The following SLC35F1 variants were observed in gnomAD, a reference collection of about 807,000 sequenced individuals.
The protein encoded by SLC35F1 is chromosome 6 open reading frame 169.
SLC35F1 carries 14 observed loss-of-function variants against 48.7 expected under a neutral mutation model. The ratio of observed to expected loss-of-function variants is 0.29; its 90% CI spans 0.19 to 0.45. The LOEUF (loss-of-function observed/expected upper bound fraction) is 0.45, where lower values mean the gene tolerates loss of function less well. Ranked by LOEUF, SLC35F1 falls within the 20% of genes least tolerant of loss-of-function variation. The pLI, the probability that SLC35F1 is intolerant of heterozygous loss-of-function variation, is 1.00. For synonymous variants in SLC35F1, 190 were observed against 202.2 expected (o/e 0.94, Z 0.51); for missense variants, 404 against 500.0 (o/e 0.81, Z 1.83).
At chr6:118,168,658 A>G (rs1050893479) in intron 2 of SLC35F1, among the ~76,000 whole-genome samples, 5 of 152,128 alleles carry the variant, frequency 3.3e-5, no homozygotes, top group African/African-American at 4.8e-5. Context: ...GCAGTTATAT[A>G]TAGGTCAGTG....
intron 3 of SLC35F1, among the ~76,000 whole-genome samples, chr6:118,251,801 T>C (rs1424141950): frequency 2.0e-5 from 3 of 152,160 alleles, no homozygotes; most frequent in African/African-American, 7.2e-5. Context: ...GCAAATTTTT[T>C]TGAGCATATA....
intron 1 of SLC35F1, among the ~76,000 whole-genome samples, chr6:118,055,017 C>T (rs1465217719): frequency 3.9e-5 from 6 of 152,124 alleles, no homozygotes; most frequent in South Asian, 2.1e-4. Flanking sequence ...CCGCGTGATC[C>T]GCCTGCCTCG....
intron 2 of SLC35F1, among the ~76,000 whole-genome samples, chr6:118,213,318 CTTTG>C (rs1469592215): frequency 6.6e-6 from 1 of 152,130 alleles, no homozygotes; most frequent in Non-Finnish European, 1.5e-5. Context: ...AGATTATCCT[CTTTG>C]TTTGTTGTGA....
chr6:118,100,306 A>G (rs1172912743), intron 1 of SLC35F1, among the ~76,000 whole-genome samples: 1 of 152,086 alleles, frequency 6.6e-6, no homozygotes, highest in Admixed American at 6.6e-5. Context: ...ACCACTGAGA[A>G]AACTACCCAT....
intron 1 of SLC35F1, among the ~76,000 whole-genome samples, chr6:118,011,974 A>G (rs1777254369): frequency 6.6e-6 from 1 of 152,226 alleles, no homozygotes; most frequent in Admixed American, 6.5e-5. Context: ...AATTCTCAGA[A>G]TGATCACCTT....
chr6:118,115,411 T>C (rs2114391195), intron 1 of SLC35F1, among the ~76,000 whole-genome samples: 1 of 151,908 alleles, frequency 6.6e-6, no homozygotes, highest in African/African-American at 2.4e-5. Flanking sequence ...AAGGACAGAG[T>C]GGTGGTTTTA....
chr6:118,309,447 C>T lies in SLC35F1; in HGVS notation c.1003-4581C>T, dbSNP rs17080005. Among the ~76,000 whole-genome samples the T allele has an allele frequency of 9.2e-3, 1,399 of 152,230 alleles. 24 individuals are homozygous for T. The highest frequency in any genetic ancestry group is 0.032 in the African/African-American group (1,335 of 41,514). On this transcript the variant is annotated intron_variant, in intron 7 of 7. Transcript: ENST00000360388. ...AAACCAGGCCCACCATATAGAAGTA[C>T]TTGGTACATGCATTCAATAAAAGTA...
Position 118,098,946 on chromosome 6 carries a change from A to G in SLC35F1, c.174-55499A>G, listed in dbSNP as rs139733693. On this transcript the variant is annotated intron_variant, in intron 1 of 7. Transcript: ENST00000360388. Reference sequence around the variant, plus strand: ...ATTTTCTCACCACTGTGTTTGGCCTATTTTATAAGGTACATCCTCTAGGTG... The same window carrying G: ...ATTTTCTCACCACTGTGTTTGGCCTGTTTTATAAGGTACATCCTCTAGGTG... 3.9e-3 allele frequency among the ~76,000 whole-genome samples: 587 copies of G among 152,258 alleles called. 4 individuals are homozygous for G. The highest frequency in any genetic ancestry group is 0.013 in the African/African-American group (535 of 41,546).
At chr6:118,177,919 G>T (rs1470165492) in intron 2 of SLC35F1, among the ~76,000 whole-genome samples, 1 of 152,046 alleles carries the variant, frequency 6.6e-6, no homozygotes, top group Non-Finnish European at 1.5e-5. Flanking sequence ...GCTAAGTGCT[G>T]CCTATAAAGC....
At chr6:118,085,727 T>C (rs1482807373) in intron 1 of SLC35F1, among the ~76,000 whole-genome samples, 2 of 152,062 alleles carry the variant, frequency 1.3e-5, no homozygotes, top group African/African-American at 4.8e-5. Flanking sequence ...TTAATTATGA[T>C]TATGTGAATG....
At chr6:118,042,237 A>T (rs1237140360) in intron 1 of SLC35F1, among the ~76,000 whole-genome samples, 1 of 152,182 alleles carries the variant, frequency 6.6e-6, no homozygotes, top group Non-Finnish European at 1.5e-5. Flanking sequence ...GATAAATAAG[A>T]CACTGTCCTA....
chr6:118,256,049 C>G (rs987694299), intron 3 of SLC35F1, among the ~76,000 whole-genome samples: 1 of 152,132 alleles, frequency 6.6e-6, no homozygotes, highest in Non-Finnish European at 1.5e-5. Flanking sequence ...ATACTACTCC[C>G]TGGAATTACA....
At chr6:118,278,922 T>C (rs1470186440) in intron 6 of SLC35F1, among the ~76,000 whole-genome samples, 1 of 152,208 alleles carries the variant, frequency 6.6e-6, no homozygotes, top group African/African-American at 2.4e-5. Flanking sequence ...TATAATTCAG[T>C]GTTAGTTAAA....
rs1777057166 is a variant in SLC35F1 at position 117,999,557 on chromosome 6, A to T, written c.173+91658A>T. On this transcript the variant is annotated intron_variant, in intron 1 of 7. Coordinates refer to ENST00000360388, the MANE Select transcript of SLC35F1 (RefSeq NM_001029858.4). ...CCTCCTGTGCTATTTGTACAAATAA[A>T]CCTGAGGCAGGAAAAAAAAAAAAAA... The T allele has an allele frequency of 1.5e-5, 9 of 587,284 alleles. No individual in the cohort carries two copies. In the South Asian group the frequency reaches 3.4e-4, roughly 22 times the overall value. 36.4% of individuals were successfully genotyped at this position (587,284 alleles called of 1,614,324 possible).
At chr6:118,141,270 ATACT>A (rs1248817685) in intron 1 of SLC35F1, among the ~76,000 whole-genome samples, 4 of 152,176 alleles carry the variant, frequency 2.6e-5, no homozygotes, top group South Asian at 2.1e-4. Context: ...AGATACACAA[ATACT>A]TACCATTGTG....
intron 1 of SLC35F1, among the ~76,000 whole-genome samples, chr6:117,953,074 G>A (rs1321521569): frequency 6.6e-6 from 1 of 152,206 alleles, no homozygotes; most frequent in South Asian, 2.1e-4. Flanking sequence ...GATACTCATT[G>A]AGGGTATTTC....
chr6:118,031,839 A>C (rs115695012), intron 1 of SLC35F1, among the ~76,000 whole-genome samples: 1 of 152,246 alleles, frequency 6.6e-6, no homozygotes, highest in African/African-American at 2.4e-5. Context: ...GGTCATTGCT[A>C]TGGAAAGGGG....
intron 1 of SLC35F1, among the ~76,000 whole-genome samples, chr6:118,128,650 A>G (rs533190412): frequency 1.8e-3 from 274 of 151,404 alleles, no homozygotes; most frequent in African/African-American, 6.4e-3. Flanking sequence ...ATCACACTCC[A>G]GGGACTGTTG....
At chr6:118,068,668 A>G (rs1228187790) in intron 1 of SLC35F1, among the ~76,000 whole-genome samples, 2 of 152,270 alleles carry the variant, frequency 1.3e-5, no homozygotes, top group East Asian at 3.9e-4. Context: ...CCTTAAGATG[A>G]TTAGAGACAA....
Sources: gnomAD v4.1 joint callset for allele counts (sites outside exome capture counted in the v4.1 genomes callset) on GRCh38, gnomAD v4.1.1 for gene constraint, MANE v1.5 for transcripts, NCBI Gene and HGNC (gene_info 2026-07-23, HGNC 2026-07-21) for gene names.